Variants in AMER2 observed in about 807,000 individuals in gnomAD.
AMER2 encodes the protein APC membrane recruitment protein 2, also known as family with sequence similarity 123A.
A neutral mutation model predicts 4.7 loss-of-function variants in AMER2; 1 was observed. The ratio of observed to expected loss-of-function variants is 0.21; its 90% CI spans 0.07 to 1.00. The LOEUF is 1.00. AMER2 is among the 50% of genes least tolerant of loss of function. AMER2 has a pLI of 0.60. For synonymous variants in AMER2, 485 were observed against 433.3 expected, an observed-to-expected ratio of 1.12 and a Z score of -1.48; for missense variants, 988 against 966.9, an observed-to-expected ratio of 1.02 and a Z score of -0.29.
Position 25,169,689 on chromosome 13 carries a change from A to C in AMER2, c.1931T>G (p.Val644Gly). ...CCGGTTGCTGACTCTGCGGACCAGCACTTTGGAAACCGGGATTTTTGTTCT... is the reference window on the plus strand; with the variant it reads ...CCGGTTGCTGACTCTGCGGACCAGCCCTTTGGAAACCGGGATTTTTGTTCT... ...MPRTKIPVSK[V>G]LVRRVSNRGL... Residue 644 changes from valine to glycine, a missense_variant, in exon 1 of 1, where the codon GTG becomes GGG. Transcript: ENST00000515384. The surrounding 1 kb of genome is among the most constrained non-coding windows in gnomAD (Gnocchi z 4.2). The C allele has an allele frequency of 6.2e-7, 1 of 1,614,046 alleles. No homozygotes were observed. Among genetic ancestry groups the C allele is most frequent in the Non-Finnish European group, 8.5e-7 (1 of 1,180,012 alleles).
rs1238575513 is a variant in AMER2 at position 25,169,752 on chromosome 13, G to C, written c.1868C>G (p.Pro623Arg). 6.2e-7 allele frequency: 1 copy of C among 1,614,070 alleles called. No individual in the cohort carries two copies. The highest frequency in any genetic ancestry group is 1.6e-4 in the Middle Eastern group (1 of 6,082). Residue 623 changes from proline to arginine, a missense_variant, in exon 1 of 1, where the codon CCC (proline) becomes CGC (arginine). Physicochemically the swap from Pro to Arg is moderately radical, Grantham distance 103. Coordinates refer to ENST00000515384, the MANE Select transcript of AMER2 (RefSeq NM_152704.4). The surrounding 1 kb of genome is among the most constrained non-coding windows in gnomAD (Gnocchi z 4.2). ...KHLTNLPSSHPVVHQQPSRSE... is the reference protein window; with the variant it reads ...KHLTNLPSSHRVVHQQPSRSE... Reference sequence around the variant, plus strand: ...CCTGGAGGGTTGCTGGTGCACCACGGGATGGCTAGATGGAAGGTTGGTCAG... The same window carrying C: ...CCTGGAGGGTTGCTGGTGCACCACGCGATGGCTAGATGGAAGGTTGGTCAG...
rs765955339 is a variant in AMER2 at position 25,170,961 on chromosome 13, G to A, written c.659C>T (p.Pro220Leu). 1.4e-5 allele frequency: 21 copies of A among 1,540,620 alleles called. No homozygotes were observed. The Admixed American group carries it at 3.7e-4, about 27-fold the overall frequency. Residue 220 changes from proline to leucine, a missense_variant, in exon 1 of 1, where the codon CCC becomes CTC. Transcript: ENST00000515384. This position sits in a 1 kb window ranked among gnomAD's most constrained non-coding sequence, Gnocchi z 7.3. ...AKAEAAEGRAPGGGLILPGSL... is the reference protein window; with the variant it reads ...AKAEAAEGRALGGGLILPGSL... ...GCCGGGTAGGATCAAGCCGCCCCCG[G>A]GCGCGCGCCCCTCCGCGGCCTCCGC...
rs1362873440 is a variant in AMER2, at chr13:25,163,087, A to ATT, written c.*6516_*6517insAA. On this transcript the variant is annotated 3_prime_UTR_variant, in exon 1 of 1. Coordinates refer to ENST00000515384, the MANE Select transcript of AMER2 (RefSeq NM_152704.4). ...AGGACGGACAGCTATTAAAGGAGCCAAGTGCTTATTTCTGAAGTTCAGAAT... is the reference window on the plus strand; with the variant it reads ...AGGACGGACAGCTATTAAAGGAGCCATTAGTGCTTATTTCTGAAGTTCAGAAT... 1 of 152,234 alleles carries ATT rather than the reference A, an allele frequency of 6.6e-6. No homozygotes were observed. Among genetic ancestry groups the ATT allele is most frequent in the Non-Finnish European group, 1.5e-5 (1 of 68,042 alleles). 9.4% of individuals were successfully genotyped at this position (152,234 alleles called of 1,614,324 possible).
At position 25,169,601 on chromosome 13, in the gene AMER2, A is replaced by G; in HGVS notation, c.*3T>C. The G allele has an allele frequency of 6.4e-7, 1 of 1,566,088 alleles. No individual in the cohort carries two copies. The highest frequency in any genetic ancestry group is 1.2e-5 in the South Asian group (1 of 82,932). On this transcript the variant is annotated 3_prime_UTR_variant, in exon 1 of 1. Transcript: ENST00000515384. This position sits in a 1 kb window ranked among gnomAD's most constrained non-coding sequence, Gnocchi z 4.2. ...GGGCCCATCCACCTTGGCCTGGAAG[A>G]CCTCACAACTTTTTGGCACTGTCGT... is the stretch of plus-strand genomic sequence containing the variant.
At position 25,170,762 on chromosome 13, in the gene AMER2, G is replaced by A. The variant is rs762004482; in HGVS notation, c.858C>T (p.Gly286=). The part of the protein sequence containing the change: ...APARSCREAE[G]LAHPGDTGAR... The stretch of plus-strand genomic sequence containing the variant: ...CGCCGGTGTCGCCGGGGTGCGCGAG[G>A]CCCTCTGCCTCTCGGCAGCTCCGCG... The change falls in exon 1 of 1, where the codon GGC becomes GGT. Residue 286 remains glycine (G), a synonymous_variant. Transcript: ENST00000515384. The surrounding 1 kb of genome is among the most constrained non-coding windows in gnomAD (Gnocchi z 7.3). The A allele has an allele frequency of 4.3e-6, 6 of 1,387,446 alleles. No homozygotes were observed. In the African/African-American group the frequency reaches 7.6e-5, roughly 18 times the overall value. The allele number at this position is 1,387,446 out of a possible 1,614,324, so 85.9% of individuals were successfully genotyped here.
In AMER2 at chr13:25,168,034, G is replaced by A. The variant is rs1956499357; in HGVS notation, c.*1570C>T. ...TCCTGGTATGATGAATCACCTCCTAGTAGAAGCTCTGGTCTTTTGATTAAA... is the reference window on the plus strand; with the variant it reads ...TCCTGGTATGATGAATCACCTCCTAATAGAAGCTCTGGTCTTTTGATTAAA... On this transcript the variant is annotated 3_prime_UTR_variant, in exon 1 of 1. Transcript: ENST00000515384. The A allele has an allele frequency of 6.6e-6, 1 of 152,084 alleles. No individual in the cohort carries two copies. The highest frequency in any genetic ancestry group is 2.1e-4 in the South Asian group (1 of 4,834). The allele number at this position is 152,084 out of a possible 1,614,324, so 9.4% of individuals were successfully genotyped here.
chr13:25,171,609 C>T lies in AMER2; in HGVS notation c.11G>A (p.Ser4Asn). METSRSRGGGGAVS... is the reference protein window; with the variant it reads METNRSRGGGGAVS... ...AGCCCCGCCGCCGCCGCGGCTCCGG[C>T]TCGTCTCCATGGAAACCGCGCGGGA... The change falls in exon 1 of 1, where the codon AGC (serine) becomes AAC (asparagine). Residue 4 changes from serine (S) to asparagine (N), a missense_variant. Ser to Asn is a conservative substitution (Grantham distance 46). Transcript: ENST00000515384. The surrounding 1 kb of genome is among the most constrained non-coding windows in gnomAD (Gnocchi z 5.9). 3 of 1,489,904 alleles carry T rather than the reference C, an allele frequency of 2.0e-6. No individual in the cohort carries two copies. Among genetic ancestry groups the T allele is most frequent in the Non-Finnish European group, 2.6e-6 (3 of 1,133,890 alleles). The allele number at this position is 1,489,904 out of a possible 1,614,324, so 92.3% of individuals were successfully genotyped here. A position where few individuals can be genotyped will look rare whatever the true frequency, so the allele number is the denominator to read the frequency against.
rs973676525 is a variant in AMER2 at position 25,170,330 on chromosome 13, C to T, written c.1290G>A (p.Glu430=). Residue 430 remains glutamate (E), a synonymous_variant, in exon 1 of 1, where the codon GAG becomes GAA. Coordinates refer to ENST00000515384, the MANE Select transcript of AMER2 (RefSeq NM_152704.4). This position sits in a 1 kb window ranked among gnomAD's most constrained non-coding sequence, Gnocchi z 7.3. ...ACTCCTGTAGATAGGTGTCGTCCAC[C>T]TCGTCCGGGCTGGCCATCTCTTCCC... is the stretch of plus-strand genomic sequence containing the variant. ...GGGEEMASPD[E]VDDTYLQEFW... is the part of the protein sequence containing the mutation. 6.2e-7 allele frequency: 1 copy of T among 1,614,046 alleles called. No individual in the cohort carries two copies. Among genetic ancestry groups the T allele is most frequent in the African/African-American group, 1.3e-5 (1 of 75,032 alleles).
Position 25,169,993 on chromosome 13 carries a change from CCTT to C in AMER2, c.1624_1626del (p.Lys542del). 6.2e-7 allele frequency: 1 copy of C among 1,613,998 alleles called. No individual in the cohort carries two copies. Among genetic ancestry groups the C allele is most frequent in the Non-Finnish European group, 8.5e-7 (1 of 1,179,954 alleles). Reference sequence around the variant, plus strand: ...CTGTAGCTATCCCGGGGGATGCCCGCCTTCTTCCCGCTGCTCGAGCTGTCTTCC... The same window carrying C: ...CTGTAGCTATCCCGGGGGATGCCCGCCTTCCCGCTGCTCGAGCTGTCTTCC... On this transcript the variant is annotated inframe_deletion, in exon 1 of 1. Transcript: ENST00000515384. The surrounding 1 kb of genome is among the most constrained non-coding windows in gnomAD (Gnocchi z 4.2).
At position 25,169,621 on chromosome 13, in the gene AMER2, T is replaced by C; in HGVS notation, c.1999A>G (p.Ser667Gly). The change falls in exon 1 of 1, where the codon AGT (serine) becomes GGT (glycine). Residue 667 changes from serine (S) to glycine (G), a missense_variant. By Grantham distance (56) the Ser-to-Gly change is moderately conservative (BLOSUM62 0). Transcript: ENST00000515384. This position sits in a 1 kb window ranked among gnomAD's most constrained non-coding sequence, Gnocchi z 4.2. ...TTIRATACHD[S>G]AKKL Reference sequence around the variant, plus strand: ...GGAAGACCTCACAACTTTTTGGCACTGTCGTGGCAGGCCGTTGCTCTGATG... The same window carrying C: ...GGAAGACCTCACAACTTTTTGGCACCGTCGTGGCAGGCCGTTGCTCTGATG... 1 of 1,587,212 alleles carries C rather than the reference T, an allele frequency of 6.3e-7. No individual in the cohort carries two copies. Among genetic ancestry groups the C allele is most frequent in the African/African-American group, 1.3e-5 (1 of 74,408 alleles).
rs1031479826 is a variant in AMER2, at chr13:25,164,291, T to C, written c.*5313A>G. 4 of 151,946 alleles carry C rather than the reference T, an allele frequency of 2.6e-5. No homozygotes were observed. Among genetic ancestry groups the C allele is most frequent in the African/African-American group, 7.3e-5 (3 of 41,332 alleles). 9.4% of individuals were successfully genotyped at this position (151,946 alleles called of 1,614,324 possible). On this transcript the variant is annotated 3_prime_UTR_variant, in exon 1 of 1. Transcript: ENST00000515384. ...CCCTGTCAGGGAAGAAGTATCGCCA[T>C]GACAACAGAAGAGATTTCTGTCTGT...
chr13:25,170,215 C>A lies in AMER2; in HGVS notation c.1405G>T (p.Val469Leu). Reference protein sequence around the residue: ...KVAAALETKVVPETPKDTRCV... With the variant: ...KVAAALETKVLPETPKDTRCV... ...CTGGTGTCTTTGGGGGTCTCGGGCA[C>A]CACCTTGGTTTCCAGCGCAGCTGCC... Residue 469 changes from valine to leucine, a missense_variant, in exon 1 of 1, where the codon GTG becomes TTG. Val to Leu is a conservative substitution (Grantham distance 32). Coordinates refer to ENST00000515384, the MANE Select transcript of AMER2 (RefSeq NM_152704.4). The surrounding 1 kb of genome is among the most constrained non-coding windows in gnomAD (Gnocchi z 7.3). 6.2e-7 allele frequency: 1 copy of A among 1,612,358 alleles called. No homozygotes were observed. Among genetic ancestry groups the A allele is most frequent in the Non-Finnish European group, 8.5e-7 (1 of 1,179,082 alleles).
At position 25,170,588 on chromosome 13, in the gene AMER2, G is replaced by A. The variant is rs749098220; in HGVS notation, c.1032C>T (p.Ala344=). 4 of 1,598,956 alleles carry A rather than the reference G, an allele frequency of 2.5e-6. No individual in the cohort carries two copies. Among genetic ancestry groups the A allele is most frequent in the African/African-American group, 2.7e-5 (2 of 74,806 alleles). The change falls in exon 1 of 1, where the codon GCC becomes GCT. Residue 344 remains alanine, a synonymous_variant. Coordinates refer to ENST00000515384, the MANE Select transcript of AMER2 (RefSeq NM_152704.4). This position sits in a 1 kb window ranked among gnomAD's most constrained non-coding sequence, Gnocchi z 7.3. ...GATCGACAGAGGCAGGGTCTGGGGC[G>A]GCGGGCGCCCGGCCGCTGCCGCCTT... ...DSEGGSGRAP[A]APDPASVDPP...
chr13:25,170,489 A>G lies in AMER2; in HGVS notation c.1131T>C (p.Ser377=). Reference sequence around the variant, plus strand: ...CAATAATATCTCCACAGCCTGTAAGAGAGTCAAAGCTTTTCAGTGAAGTCA... The same window carrying G: ...CAATAATATCTCCACAGCCTGTAAGGGAGTCAAAGCTTTTCAGTGAAGTCA... The part of the protein sequence containing the change: ...SDVTSLKSFD[S]LTGCGDIIAD... The change falls in exon 1 of 1, where the codon TCT becomes TCC. Residue 377 remains serine, a synonymous_variant. Coordinates refer to ENST00000515384, the MANE Select transcript of AMER2 (RefSeq NM_152704.4). This position sits in a 1 kb window ranked among gnomAD's most constrained non-coding sequence, Gnocchi z 7.3. 6.2e-7 allele frequency: 1 copy of G among 1,614,172 alleles called. No individual in the cohort carries two copies. Among genetic ancestry groups the G allele is most frequent in the South Asian group, 1.1e-5 (1 of 91,080 alleles).
At position 25,170,881 on chromosome 13, in the gene AMER2, C is replaced by A. The variant is rs756966611; in HGVS notation, c.739G>T (p.Glu247Ter). ...GCGTCCTGGCTGGGCTCCTCCGGCT[C>A]GCGCGCGGCTCTGGGCGTCTCCTCC... is the stretch of plus-strand genomic sequence containing the variant. ...VKEETPRAAR[E>*]PEEPSQDAPR... Residue 247 changes from glutamate to a stop codon, truncating the protein, a stop_gained, in exon 1 of 1, where the codon GAG (glutamate) becomes TAG (stop). Coordinates refer to ENST00000515384, the MANE Select transcript of AMER2 (RefSeq NM_152704.4). LOFTEE classifies it low-confidence loss of function (END_TRUNC). This position sits in a 1 kb window ranked among gnomAD's most constrained non-coding sequence, Gnocchi z 7.3. 8 of 1,458,328 alleles carry A rather than the reference C, an allele frequency of 5.5e-6. No individual in the cohort carries two copies. The highest frequency in any genetic ancestry group is 7.2e-6 in the Non-Finnish European group (8 of 1,113,382). The allele number at this position is 1,458,328 out of a possible 1,614,324, so 90.3% of individuals were successfully genotyped here. A position where few individuals can be genotyped will look rare whatever the true frequency, so the allele number is the denominator to read the frequency against.
In AMER2 at chr13:25,171,528, T is replaced by C; in HGVS notation, c.92A>G (p.Glu31Gly). 1 of 1,591,064 alleles carries C rather than the reference T, an allele frequency of 6.3e-7. No homozygotes were observed. Among genetic ancestry groups the C allele is most frequent in the South Asian group, 1.1e-5 (1 of 88,848 alleles). The stretch of plus-strand genomic sequence containing the variant: ...GAGGGTCCCGGTCCCGGCCCCGGCC[T>C]CCGCCTTCCTCCTGCAGACCCCCAC... Reference protein sequence around the residue: ...ASVGVCRRKAEAGAGTGTLAA... With the variant: ...ASVGVCRRKAGAGAGTGTLAA... Residue 31 changes from glutamate to glycine, a missense_variant, in exon 1 of 1, where the codon GAG becomes GGG. By Grantham distance (98) the Glu-to-Gly change is moderately conservative. Coordinates refer to ENST00000515384, the MANE Select transcript of AMER2 (RefSeq NM_152704.4). The surrounding 1 kb of genome is among the most constrained non-coding windows in gnomAD (Gnocchi z 5.9).
Position 25,171,733 on chromosome 13 carries a change from A to C in AMER2, c.-114T>G, listed in dbSNP as rs1421853867. On this transcript the variant is annotated 5_prime_UTR_variant, in exon 1 of 1. Transcript: ENST00000515384. The surrounding 1 kb of genome is among the most constrained non-coding windows in gnomAD (Gnocchi z 5.9). ...TCGCCGCCGCCGCTGCAAAAGAAAC[A>C]CACATAAAAGACCATCTTCCCTCCC... 4 of 1,409,600 alleles carry C rather than the reference A, an allele frequency of 2.8e-6. No individual in the cohort carries two copies. Among genetic ancestry groups the C allele is most frequent in the Non-Finnish European group, 2.7e-6 (3 of 1,092,444 alleles). 87.3% of individuals were successfully genotyped at this position (1,409,600 alleles called of 1,614,324 possible).
rs920339447 is a variant in AMER2, at chr13:25,163,423, T to C, written c.*6181A>G. 2 of 152,106 alleles carry C rather than the reference T, an allele frequency of 1.3e-5. No homozygotes were observed. The highest frequency in any genetic ancestry group is 4.8e-5 in the African/African-American group (2 of 41,408). The allele number at this position is 152,106 out of a possible 1,614,324, so 9.4% of individuals were successfully genotyped here. A position where few individuals can be genotyped will look rare whatever the true frequency, so the allele number is the denominator to read the frequency against. ...AGCATTACTCATAATAGCCAAGATG[T>C]GGAAATAATCTAAACGTCTGTCAGT... On this transcript the variant is annotated 3_prime_UTR_variant, in exon 1 of 1. Coordinates refer to ENST00000515384, the MANE Select transcript of AMER2 (RefSeq NM_152704.4).
rs1956467923 is a variant in AMER2, at chr13:25,165,509, A to C, written c.*4095T>G. 6.6e-6 allele frequency: 1 copy of C among 152,236 alleles called. No homozygotes were observed. Among genetic ancestry groups the C allele is most frequent in the Non-Finnish European group, 1.5e-5 (1 of 68,044 alleles). 9.4% of individuals were successfully genotyped at this position (152,236 alleles called of 1,614,324 possible). The stretch of plus-strand genomic sequence containing the variant: ...AATGAATTGAAATTTTCTAAGGCTG[A>C]GTTTACACAAATTACAACTGTTCTT... On this transcript the variant is annotated 3_prime_UTR_variant, in exon 1 of 1. Transcript: ENST00000515384.
Sources: allele counts gnomAD v4.1 joint callset, GRCh38; gene constraint gnomAD v4.1.1; non-coding constraint Gnocchi (gnomAD v3.1); transcripts MANE v1.5; gene names NCBI Gene and HGNC (gene_info 2026-07-23, HGNC 2026-07-21).